The following SLC41A3 variants were observed in gnomAD, a reference collection of about 807,000 sequenced individuals.
The protein encoded by SLC41A3 is SLC41A1-like 2.
In SLC41A3, 44 loss-of-function variants were observed where a neutral mutation model predicts 45.4. That is an observed-to-expected ratio of 0.97 (90% CI 0.76 to 1.25). SLC41A3 has a LOEUF of 1.25. SLC41A3 is among the 50% of genes most tolerant of loss of function. SLC41A3 has a pLI of 0.00. For synonymous variants in SLC41A3, 256 were observed against 252.4 expected, an observed-to-expected ratio of 1.01 and a Z score of -0.13; for missense variants, 550 against 600.6, an observed-to-expected ratio of 0.92 and a Z score of 0.88.
At chr3:126,056,684 T>C (rs1943690101) in intron 2 of SLC41A3, 1 of 1,450,280 alleles carries the variant, frequency 6.9e-7, no homozygotes, top group African/African-American at 1.4e-5. Context: ...AGTCACCAGG[T>C]GCCCTGTGCC....
intron 1 of SLC41A3, among the ~76,000 whole-genome samples, chr3:126,069,137 C>G (rs1437145933): frequency 6.7e-6 from 1 of 150,196 alleles, no homozygotes; most frequent in Non-Finnish European, 1.5e-5. Flanking sequence ...TACTTTCGCA[C>G]CAACCTAATA....
intron 4 of SLC41A3, among the ~76,000 whole-genome samples, chr3:126,032,727 T>A (rs761944181): frequency 1.3e-5 from 2 of 152,136 alleles, no homozygotes; most frequent in Non-Finnish European, 2.9e-5. Context: ...CCCGTACAGT[T>A]AGATGTACTG....
intron 2 of SLC41A3, among the ~76,000 whole-genome samples, chr3:126,063,801 G>T (rs2107992933): frequency 6.6e-6 from 1 of 152,274 alleles, no homozygotes; most frequent in Middle Eastern, 3.4e-3. Flanking sequence ...GCACCCAGTG[G>T]AGCCTCTACT....
chr3:126,067,973 C>A lies in SLC41A3; in HGVS notation c.247G>T (p.Ala83Ser). The A allele has an allele frequency of 6.2e-7, 1 of 1,612,018 alleles. No homozygotes were observed. The highest frequency in any genetic ancestry group is 8.5e-7 in the Non-Finnish European group (1 of 1,179,070). Residue 83 changes from alanine (A) to serine (S), a missense_variant, in exon 2 of 11, where the codon GCC becomes TCC. By Grantham distance (99) the Ala-to-Ser change is moderately conservative. Transcript: ENST00000360370. ...FMFAGLGLSW[A>S]GMLLDYFQHW... ...TGGAAATAGTCCAGAAGCATGCCGG[C>A]CCAGGACAGTCCCAGGCCTGCAAAC...
Position 126,026,371 on chromosome 3 carries a change from T to C in SLC41A3, c.562A>G (p.Ser188Gly). 6.3e-7 allele frequency: 1 copy of C among 1,575,118 alleles called. No individual in the cohort carries two copies. Among genetic ancestry groups the C allele is most frequent in the Non-Finnish European group, 8.6e-7 (1 of 1,159,158 alleles). ...GCTGCAAGGAAGGCAGTGAGGACACTGCTGGCACACAGCAACTCCACCTTG... is the reference window on the plus strand; with the variant it reads ...GCTGCAAGGAAGGCAGTGAGGACACCGCTGGCACACAGCAACTCCACCTTG... The part of the protein sequence containing the change: ...VAKVELLCAS[S>G]VLTAFLAAFA... Residue 188 changes from serine (S) to glycine (G), a missense_variant, in exon 5 of 11, where the codon AGT (serine) becomes GGT (glycine). By Grantham distance (56) the Ser-to-Gly change is moderately conservative. Transcript: ENST00000360370. The surrounding 1 kb of genome is among the most constrained non-coding windows in gnomAD (Gnocchi z 4.2).
At chr3:126,034,196 C>T (rs112436337) in intron 3 of SLC41A3, among the ~76,000 whole-genome samples, 3,527 of 152,294 alleles carry the variant, frequency 0.023, 64 homozygotes, top group Non-Finnish European at 0.035. Flanking sequence ...CACCAATCCG[C>T]TCAATGTCAC....
intron 2 of SLC41A3, among the ~76,000 whole-genome samples, chr3:126,061,084 G>A (rs570699311): frequency 2.0e-5 from 3 of 152,298 alleles, no homozygotes; most frequent in African/African-American, 7.2e-5. Flanking sequence ...TGACACTGCA[G>A]TGGGAACTGC....
In SLC41A3 at chr3:126,060,624, A is replaced by G. The variant is rs576466463; in HGVS notation, c.273+7323T>C. ...AAAACTATCAAAAGCAAATAATGTA[A>G]CTATATAAGAAAAATGACTTTCCTG... On this transcript the variant is annotated intron_variant, in intron 2 of 10. Coordinates refer to ENST00000360370, the MANE Select transcript of SLC41A3 (RefSeq NM_017836.4). 4.6e-5 allele frequency among the ~76,000 whole-genome samples: 7 copies of G among 152,340 alleles called. No individual in the cohort carries two copies. The East Asian group carries it at 1.3e-3, about 29-fold the overall frequency.
chr3:126,042,317 T>C (rs924036883), intron 3 of SLC41A3, among the ~76,000 whole-genome samples: 1 of 152,076 alleles, frequency 6.6e-6, no homozygotes, highest in African/African-American at 2.4e-5. Flanking sequence ...GCCATGTATA[T>C]GGGGGAATTG....
At chr3:126,055,362 A>G (rs1353986621) in intron 2 of SLC41A3, among the ~76,000 whole-genome samples, 5 of 152,026 alleles carry the variant, frequency 3.3e-5, no homozygotes, top group Non-Finnish European at 7.4e-5. Context: ...AAAATACAAA[A>G]AAATTAGCTG....
chr3:126,026,527 C>A lies in SLC41A3; in HGVS notation c.454-48G>T, dbSNP rs749069342. The A allele has an allele frequency of 3.8e-6, 6 of 1,580,738 alleles. No homozygotes were observed. Among genetic ancestry groups the A allele is most frequent in the East Asian group, 2.3e-5 (1 of 43,770 alleles). On this transcript the variant is annotated intron_variant, in intron 4 of 10. Transcript: ENST00000360370. This position sits in a 1 kb window ranked among gnomAD's most constrained non-coding sequence, Gnocchi z 4.2. The stretch of plus-strand genomic sequence containing the variant: ...ATGAAGGGGGGCCCCGGGGCCACAG[C>A]CACACTCCCTGCCCTTCACACCTCA...
At chr3:126,062,642 C>T (rs892664639) in intron 2 of SLC41A3, among the ~76,000 whole-genome samples, 2 of 152,210 alleles carry the variant, frequency 1.3e-5, no homozygotes, top group Admixed American at 1.3e-4. Flanking sequence ...GGTTAAATGC[C>T]TGAAAATTAC....
chr3:126,078,644 C>A (rs569028885), intron 1 of SLC41A3, among the ~76,000 whole-genome samples: 1 of 152,266 alleles, frequency 6.6e-6, no homozygotes, highest in African/African-American at 2.4e-5. Flanking sequence ...TTAATCCTTA[C>A]GGGACTGTGG....
chr3:126,089,286 C>A (rs1425815000), upstream of SLC41A3, among the ~76,000 whole-genome samples: 2 of 152,136 alleles, frequency 1.3e-5, no homozygotes, highest in Non-Finnish European at 2.9e-5. Flanking sequence ...GGAACCCAAA[C>A]CTTTTTTCAC....
At chr3:126,056,318 G>A in intron 2 of SLC41A3, 3 of 1,597,796 alleles carry the variant, frequency 1.9e-6, no homozygotes, top group Non-Finnish European at 1.7e-6. Context: ...CCCAGTCTGT[G>A]TGTCTCCCAC....
chr3:126,099,121 C>A (rs528657639), intron 1 of SLC41A3, among the ~76,000 whole-genome samples: 28 of 151,950 alleles, frequency 1.8e-4, no homozygotes, highest in African/African-American at 6.3e-4. Context: ...ATGCTTGGAG[C>A]CTTTTGTGAC....
intron 2 of SLC41A3, among the ~76,000 whole-genome samples, chr3:126,061,574 G>T (rs1455317689): frequency 3.3e-5 from 5 of 152,240 alleles, no homozygotes; most frequent in Admixed American, 3.3e-4. Flanking sequence ...CTGCCTGAAT[G>T]AGTGAATGAA....
chr3:126,039,344 T>A (rs1022965743), intron 3 of SLC41A3, among the ~76,000 whole-genome samples: 2 of 152,240 alleles, frequency 1.3e-5, no homozygotes, highest in Non-Finnish European at 2.9e-5. Flanking sequence ...CCATTGCATT[T>A]AGCCACAGCT....
intron 2 of SLC41A3, among the ~76,000 whole-genome samples, chr3:126,064,629 C>T (rs952410362): frequency 1.3e-5 from 2 of 152,184 alleles, no homozygotes; most frequent in Admixed American, 1.3e-4. Flanking sequence ...CCTCCTCCCG[C>T]ACCCCCAGTC....
Sources: gnomAD v4.1 joint callset for allele counts (sites outside exome capture counted in the v4.1 genomes callset) on GRCh38, gnomAD v4.1.1 for gene constraint, Gnocchi (gnomAD v3.1) non-coding constraint, MANE v1.5 for transcripts, NCBI Gene and HGNC (gene_info 2026-07-23, HGNC 2026-07-21) for gene names.